GRID2: variants seen among roughly 807,000 people sequenced by gnomAD.
GRID2 encodes glutamate ionotropic receptor delta type subunit 2, also known as glutamate receptor ionotropic, delta-2.
Under a neutral mutation model 114.8 loss-of-function variants are expected in GRID2, and 33 were observed. The observed-to-expected ratio is 0.29, with a 90% CI of 0.22 to 0.38. The LOEUF is 0.38. Among genes scored for constraint, GRID2 ranks in the 10% least tolerant of loss-of-function variants. The probability of loss-of-function intolerance (pLI) is 1.00; values close to 1 mark genes in which losing one functional copy is unlikely to be tolerated. For synonymous variants in GRID2, 505 were observed against 449.9 expected (o/e 1.12, Z -1.55); for missense variants, 1,184 against 1,257.7 (o/e 0.94, Z 0.89).
intron 2 of GRID2, among the ~76,000 whole-genome samples, chr4:92,834,485 A>G (rs1383708045): frequency 6.6e-6 from 1 of 152,158 alleles, no homozygotes; most frequent in Non-Finnish European, 1.5e-5. Flanking sequence ...TATGAGATGG[A>G]GAAATGAGGG....
intron 1 of GRID2, among the ~76,000 whole-genome samples, chr4:92,529,093 TCGGTCGG>T (rs1725186776): frequency 6.6e-6 from 1 of 152,012 alleles, no homozygotes; most frequent in Non-Finnish European, 1.5e-5. Flanking sequence ...ACGCTGAACT[TCGGTCGG>T]GGATGGGAGG....
intron 11 of GRID2, among the ~76,000 whole-genome samples, chr4:93,487,952 C>T (rs1395191617): frequency 2.0e-5 from 3 of 151,836 alleles, no homozygotes; most frequent in Non-Finnish European, 2.9e-5. Context: ...TATCAAATAA[C>T]ATTTTATTTG....
At chr4:93,224,481 A>T in intron 6 of GRID2, 133 bp from the exon 7 acceptor site, 1 of 554,118 alleles carries the variant, frequency 1.8e-6, no homozygotes, top group Non-Finnish European at 3.2e-6. Flanking sequence ...GACAAAAGAA[A>T]CCTTCTGCTT....
intron 1 of GRID2, among the ~76,000 whole-genome samples, chr4:92,505,011 G>A (rs538159975): frequency 1.4e-4 from 22 of 151,900 alleles, no homozygotes; most frequent in East Asian, 3.9e-4. Context: ...TAATTAAACC[G>A]TCGAATCATT....
At chr4:92,399,657 C>CTA (rs1347612117) in intron 1 of GRID2, among the ~76,000 whole-genome samples, 1 of 139,430 alleles carries the variant, frequency 7.2e-6, no homozygotes, top group African/African-American at 2.9e-5. Flanking sequence ...CTCTCTCTCT[C>CTA]TCTCTCTCTA....
intron 11 of GRID2, among the ~76,000 whole-genome samples, chr4:93,469,104 G>C (rs1724558491): frequency 6.6e-6 from 1 of 152,082 alleles, no homozygotes; most frequent in Admixed American, 6.6e-5. Flanking sequence ...ATTCCCAGCT[G>C]TATTTGTGGT....
intron 2 of GRID2, among the ~76,000 whole-genome samples, chr4:92,903,356 T>G (rs1747719340): frequency 6.6e-6 from 1 of 151,994 alleles, no homozygotes; most frequent in Non-Finnish European, 1.5e-5. Context: ...GTAAGTAAAT[T>G]AATATCCAAT....
At chr4:93,403,083 G>T (rs571868551) in intron 9 of GRID2, among the ~76,000 whole-genome samples, 1 of 152,270 alleles carries the variant, frequency 6.6e-6, no homozygotes, top group African/African-American at 2.4e-5. Context: ...GTTGGGAAGA[G>T]AGCTGACAGC....
At chr4:92,486,053 C>T (rs1372711771) in intron 1 of GRID2, among the ~76,000 whole-genome samples, 1 of 151,434 alleles carries the variant, frequency 6.6e-6, no homozygotes, top group African/African-American at 2.4e-5. Flanking sequence ...ATTACCTGAC[C>T]TCTGGTTTCT....
chr4:93,741,665 C>T (rs1294502524), intron 14 of GRID2, among the ~76,000 whole-genome samples: 1 of 152,176 alleles, frequency 6.6e-6, no homozygotes, highest in African/African-American at 2.4e-5. Flanking sequence ...CAGTGGCTCA[C>T]GCCTGTAATC....
rs1022798947 is a variant in GRID2 at position 93,347,053 on chromosome 4, C to T, written c.1246-48554C>T. On this transcript the variant is annotated intron_variant, in intron 8 of 15. Transcript: ENST00000282020. Reference sequence around the variant, plus strand: ...TCGGTCTTTCCTTGCCTCACCACTGCGGCGCGGAGCTCCCTGGAGTGGAAC... The same window carrying T: ...TCGGTCTTTCCTTGCCTCACCACTGTGGCGCGGAGCTCCCTGGAGTGGAAC... 3.9e-5 allele frequency among the ~76,000 whole-genome samples: 6 copies of T among 151,986 alleles called. No homozygotes were observed. In the East Asian group the frequency reaches 9.7e-4, roughly 25 times the overall value.
intron 2 of GRID2, among the ~76,000 whole-genome samples, chr4:93,003,513 G>A (rs1286640477): frequency 6.6e-6 from 1 of 151,914 alleles, no homozygotes. Flanking sequence ...ATTACTGGAA[G>A]CATTTTATAT....
chr4:92,498,360 T>C (rs1283509502), intron 1 of GRID2, among the ~76,000 whole-genome samples: 1 of 151,860 alleles, frequency 6.6e-6, no homozygotes, highest in African/African-American at 2.4e-5. Flanking sequence ...TGAAGAACTT[T>C]GTGCAGTAAG....
intron 13 of GRID2, among the ~76,000 whole-genome samples, chr4:93,559,873 T>A (rs891574087): frequency 1.3e-5 from 2 of 152,098 alleles, no homozygotes; most frequent in South Asian, 4.1e-4. Flanking sequence ...ATGTGGCACA[T>A]ATGCACCATG....
At chr4:92,473,584 T>G (rs1722146803) in intron 1 of GRID2, among the ~76,000 whole-genome samples, 1 of 152,004 alleles carries the variant, frequency 6.6e-6, no homozygotes, top group South Asian at 2.1e-4. Context: ...GTTAAGTAAT[T>G]TTTCTTCTAT....
intron 11 of GRID2, among the ~76,000 whole-genome samples, chr4:93,475,736 C>T (rs1725260860): frequency 6.6e-6 from 1 of 152,128 alleles, no homozygotes; most frequent in Admixed American, 6.6e-5. Flanking sequence ...AACTTTCATG[C>T]TTCTGGGACT....
chr4:92,543,953 A>G (rs146533232), intron 1 of GRID2, among the ~76,000 whole-genome samples: 49 of 152,252 alleles, frequency 3.2e-4, no homozygotes, highest in African/African-American at 1.1e-3. Context: ...GCTAATTCCA[A>G]CTCTGCACAC....
At chr4:92,506,339 A>G (rs1051948468) in intron 1 of GRID2, among the ~76,000 whole-genome samples, 4 of 152,038 alleles carry the variant, frequency 2.6e-5, no homozygotes, top group Admixed American at 1.3e-4. Flanking sequence ...CAGAACTTTA[A>G]GTGACTATGT....
intron 2 of GRID2, among the ~76,000 whole-genome samples, chr4:93,033,481 A>G (rs1000137953): frequency 1.2e-4 from 18 of 152,254 alleles, no homozygotes; most frequent in African/African-American, 4.3e-4. Context: ...TGAATCAGGA[A>G]AGCCCACTAG....
Sources: allele counts gnomAD v4.1 joint callset (sites outside exome capture counted in the v4.1 genomes callset), GRCh38; gene constraint gnomAD v4.1.1; transcripts MANE v1.5; gene names NCBI Gene and HGNC (gene_info 2026-07-23, HGNC 2026-07-21).